Variants in LYRM4 observed in about 807,000 individuals in gnomAD.
The protein encoded by LYRM4 is LYR motif-containing protein 4.
In LYRM4, 9 loss-of-function variants were observed where a neutral mutation model predicts 11.7. The ratio of observed to expected loss-of-function variants is 0.77; its 90% CI spans 0.46 to 1.34. The LOEUF (loss-of-function observed/expected upper bound fraction) is 1.34. Ranked by LOEUF, LYRM4 falls within the 40% of genes most tolerant of loss-of-function variation. LYRM4 has a pLI of 0.00. For synonymous variants in LYRM4, 42 were observed against 40.4 expected (o/e 1.04, Z -0.15); for missense variants, 133 against 112.5 (o/e 1.18, Z -0.82).
At chr6:5,101,024 A>C (rs449101), downstream of LYRM4, among the ~76,000 whole-genome samples, 96,329 of 151,612 alleles carry the variant, frequency 0.64, 31,384 homozygotes, top group East Asian at 0.8. Context: ...TGGTCTCCCT[A>C]CCCTCTCAGT....
downstream of LYRM4, among the ~76,000 whole-genome samples, chr6:5,099,391 CTCTATCTATCTATCTA>C (rs58771475): frequency 6.9e-6 from 1 of 145,442 alleles, no homozygotes; most frequent in Non-Finnish European, 1.5e-5. The surrounding 1 kb of genome is among the most constrained non-coding windows in gnomAD (Gnocchi z 4.3). Context: ...AAATCTATTT[CTCTATCTATCTATCTA>C]TCTATCTATC....
intron 2 of LYRM4, among the ~76,000 whole-genome samples, chr6:5,157,780 T>G (rs1758501654): frequency 6.6e-6 from 1 of 152,268 alleles, no homozygotes; most frequent in South Asian, 2.1e-4. Context: ...ATTTCGTTTG[T>G]TCTTGCTTAA....
At chr6:5,243,225 G>A (rs1763990272) in intron 1 of LYRM4, among the ~76,000 whole-genome samples, 1 of 152,152 alleles carries the variant, frequency 6.6e-6, no homozygotes, top group Non-Finnish European at 1.5e-5. Context: ...TATTTGCAGT[G>A]CCCCGTCACC....
intron 2 of LYRM4, among the ~76,000 whole-genome samples, chr6:5,191,281 A>T (rs1760736205): frequency 6.6e-6 from 1 of 152,202 alleles, no homozygotes; most frequent in African/African-American, 2.4e-5. Context: ...AAGACTAGAA[A>T]CAGAACATAG....
intron 2 of LYRM4, among the ~76,000 whole-genome samples, chr6:5,146,616 C>G (rs922966847): frequency 6.6e-6 from 1 of 152,132 alleles, no homozygotes; most frequent in African/African-American, 2.4e-5. Flanking sequence ...AGCACAGCCC[C>G]CAGGCATCAA....
At chr6:5,089,185 CTT>C in the LYRM4 span, 1 of 152,120 alleles carries the variant, frequency 6.6e-6, no homozygotes, top group Non-Finnish European at 1.5e-5. Context: ...CTTATAAAAA[CTT>C]TGACGAAAAA....
At chr6:5,086,325 G>A in the LYRM4 span, 1 of 1,535,748 alleles carries the variant, frequency 6.5e-7, no homozygotes, top group Non-Finnish European at 8.7e-7. Context: ...CAGAGGCACC[G>A]TCTGGGGCCT....
At chr6:5,192,919 G>A (rs1176046908) in intron 2 of LYRM4, among the ~76,000 whole-genome samples, 2 of 152,132 alleles carry the variant, frequency 1.3e-5, no homozygotes, top group African/African-American at 4.8e-5. Flanking sequence ...CCAGCTACTC[G>A]GGAGGCTGAG....
chr6:5,156,611 G>A (rs931675970), intron 2 of LYRM4, among the ~76,000 whole-genome samples: 2 of 152,332 alleles, frequency 1.3e-5, no homozygotes, highest in Admixed American at 6.5e-5. Context: ...GGTGACCTGC[G>A]GAGGCTCCTT....
At chr6:5,129,581 G>C (rs1156741417) in intron 2 of LYRM4, among the ~76,000 whole-genome samples, 2 of 152,042 alleles carry the variant, frequency 1.3e-5, no homozygotes, top group African/African-American at 4.8e-5. Flanking sequence ...GATTACAGTA[G>C]GGCCAATGTG....
At chr6:5,058,736 C>T in the LYRM4 span, among the ~76,000 whole-genome samples, 10 of 152,086 alleles carry the variant, frequency 6.6e-5, no homozygotes, top group African/African-American at 2.2e-4. Flanking sequence ...ATGCTTGATT[C>T]GGTTTTACAG....
intron 2 of LYRM4, among the ~76,000 whole-genome samples, chr6:5,152,695 C>A (rs1758159688): frequency 6.6e-6 from 1 of 152,188 alleles, no homozygotes; most frequent in Non-Finnish European, 1.5e-5. Context: ...TCATAATCAG[C>A]TAAGCTAATG....
intron 2 of LYRM4, among the ~76,000 whole-genome samples, chr6:5,165,807 T>G (rs1287721682): frequency 6.6e-6 from 1 of 152,114 alleles, no homozygotes; most frequent in Non-Finnish European, 1.5e-5. Flanking sequence ...CCTCCCAAAG[T>G]GCTGGAATTA....
chr6:5,219,937 A>G (rs1762490068), intron 1 of LYRM4, among the ~76,000 whole-genome samples: 1 of 152,174 alleles, frequency 6.6e-6, no homozygotes, highest in African/African-American at 2.4e-5. Flanking sequence ...CCAAATACAA[A>G]GCAGCAGCCC....
At chr6:5,045,625 G>C in the LYRM4 span, among the ~76,000 whole-genome samples, 2 of 152,340 alleles carry the variant, frequency 1.3e-5, no homozygotes, top group African/African-American at 2.4e-5. Context: ...GCAGCTCTCT[G>C]AGATTTTCAG....
rs559637149 is a variant in LYRM4, at chr6:5,142,544, G to A, written c.208-33053C>T. Among the ~76,000 whole-genome samples, 68 of 152,236 alleles carry A rather than the reference G, an allele frequency of 4.5e-4. No individual in the cohort carries two copies. In the South Asian group the frequency reaches 7.3e-3, roughly 16 times the overall value. ...TGTTCTTTGAAGCCACTAAGTTTTG[G>A]GGGATGACTTACTGTGCAGCAATAA... On this transcript the variant is annotated intron_variant, in intron 2 of 2. Transcript: ENST00000330636.
chr6:5,060,635 C>T, the LYRM4 span, among the ~76,000 whole-genome samples: 516 of 152,170 alleles, frequency 3.4e-3, no homozygotes, highest in Non-Finnish European at 4.7e-3. Flanking sequence ...TCAAGTTATT[C>T]TTATGTCTCA....
At chr6:5,131,453 A>G (rs902547144) in intron 2 of LYRM4, among the ~76,000 whole-genome samples, 3 of 152,240 alleles carry the variant, frequency 2.0e-5, no homozygotes, top group Non-Finnish European at 4.4e-5. Flanking sequence ...TAATCCCAGC[A>G]GTTTGGGAGG....
the LYRM4 span, among the ~76,000 whole-genome samples, chr6:5,046,434 A>G: frequency 6.6e-6 from 1 of 151,914 alleles, no homozygotes; most frequent in Non-Finnish European, 1.5e-5. Context: ...ATATTCCACT[A>G]TTTTTTATCA....
Sources: gnomAD v4.1 joint callset for allele counts (sites outside exome capture counted in the v4.1 genomes callset) on GRCh38, gnomAD v4.1.1 for gene constraint, Gnocchi (gnomAD v3.1) non-coding constraint, MANE v1.5 for transcripts, NCBI Gene and HGNC (gene_info 2026-07-23, HGNC 2026-07-21) for gene names.